Variants in CAPN5 observed in about 807,000 individuals in gnomAD.
CAPN5 encodes calpain 5.
Under a neutral mutation model 73.0 loss-of-function variants are expected in CAPN5, and 54 were observed. The ratio of observed to expected loss-of-function variants is 0.74; its 90% CI spans 0.59 to 0.93. CAPN5 has a LOEUF of 0.93. CAPN5 is among the 40% of genes least tolerant of loss of function. The pLI, the probability that CAPN5 is intolerant of heterozygous loss-of-function variation, is 0.00. For missense variants in CAPN5, 785 were observed against 882.9 expected (o/e 0.89, Z 1.41); for synonymous variants, 335 against 356.9 (o/e 0.94, Z 0.69).
chr11:77,122,539 C>CCCCACCCTCACCCCATCTCCCACT (rs1555043030), intron 11 of CAPN5, 37 bp from the exon 12 acceptor site: 1 of 1,141,992 alleles, frequency 8.8e-7, no homozygotes, highest in Non-Finnish European at 1.3e-6. Context: ...CAGCCCCCAC[C>CCCCACCCTCACCCCATCTCCCACT]CCCACCCTCA....
In CAPN5 at chr11:77,120,849, A is replaced by T. The variant is rs1271325240; in HGVS notation, c.1427A>T (p.Glu476Val). ...GRYVIIPTTF[E>V]PGHTGEFLLR... is the part of the protein sequence containing the mutation. ...TATGTCATCATCCCCACAACCTTCG[A>T]GCCAGGCCACACTGGCGAGTTCCTG... The change falls in exon 10 of 13, where the codon GAG (glutamate) becomes GTG (valine). Residue 476 changes from glutamate to valine, a missense_variant. By Grantham distance (121) the Glu-to-Val change is moderately radical. Transcript: ENST00000648180. The T allele has an allele frequency of 6.2e-7, 1 of 1,613,994 alleles. No individual in the cohort carries two copies. The highest frequency in any genetic ancestry group is 8.5e-7 in the Non-Finnish European group (1 of 1,180,002).
chr11:77,071,103 C>T (rs1281274051), intron 1 of CAPN5, among the ~76,000 whole-genome samples: 1 of 152,200 alleles, frequency 6.6e-6, no homozygotes, highest in African/African-American at 2.4e-5. Context: ...CTGACAGCAG[C>T]GTCACTGCAG....
chr11:77,088,106 C>G, intron 2 of CAPN5: 1 of 1,500,582 alleles, frequency 6.7e-7, no homozygotes, highest in Non-Finnish European at 8.9e-7. Flanking sequence ...TCCCCTCATC[C>G]AGCATGCTGT....
chr11:77,114,275 C>T lies in CAPN5; in HGVS notation c.540C>T (p.Gly180=). ...LAGCYQALDG[G]NTADALVDFT... ...GCTGTTACCAGGCCCTGGATGGAGG[C>T]AACACAGCAGACGCACTGGTGGACT... Residue 180 remains glycine (G), a synonymous_variant, in exon 5 of 13, where the codon GGC becomes GGT. Coordinates refer to ENST00000648180, the MANE Select transcript of CAPN5 (RefSeq NM_004055.5). 3 of 1,614,162 alleles carry T rather than the reference C, an allele frequency of 1.9e-6. No individual in the cohort carries two copies. The highest frequency in any genetic ancestry group is 2.5e-6 in the Non-Finnish European group (3 of 1,180,032).
chr11:77,121,796 G>A (rs1043439741), intron 10 of CAPN5, 138 bp from the exon 11 acceptor site: 2 of 554,764 alleles, frequency 3.6e-6, no homozygotes, highest in African/African-American at 1.9e-5. Flanking sequence ...TGCCCATGGG[G>A]ATTTGCTCAG....
chr11:77,085,186 C>T lies in CAPN5; in HGVS notation c.165+135C>T, dbSNP rs139849807. 3.6e-4 allele frequency: 264 copies of T among 742,866 alleles called. 1 individual carries two copies. The African/African-American group carries it at 3.6e-3, about 10-fold the overall frequency. 46.0% of individuals were successfully genotyped at this position (742,866 alleles called of 1,614,324 possible). A position where few individuals can be genotyped will look rare whatever the true frequency, so the allele number is the denominator to read the frequency against. On this transcript the variant is annotated intron_variant, in intron 2 of 12. Transcript: ENST00000648180. ...TGCTGAGAAAGTGAGGGTGCTGAAA[C>T]GGTGGGATTTGATCCGGATGGGGAG...
intron 5 of CAPN5, among the ~76,000 whole-genome samples, chr11:77,115,081 A>G (rs1374845865): frequency 1.3e-5 from 2 of 152,110 alleles, no homozygotes; most frequent in Non-Finnish European, 2.9e-5. Context: ...AACAAAAAAC[A>G]AAACAATGTT....
At chr11:77,077,072 T>A (rs1287137044) in intron 1 of CAPN5, among the ~76,000 whole-genome samples, 1 of 152,228 alleles carries the variant, frequency 6.6e-6, no homozygotes, top group Non-Finnish European at 1.5e-5. Context: ...GTAAAAAGAT[T>A]TAAGTCAGGC....
intron 1 of CAPN5, among the ~76,000 whole-genome samples, chr11:77,074,900 G>A (rs189829717): frequency 1.4e-4 from 21 of 152,330 alleles, no homozygotes; most frequent in African/African-American, 5.1e-4. Context: ...ACCAGGAAGA[G>A]CTGAGGCTCT....
At position 77,122,681 on chromosome 11, in the gene CAPN5, G is replaced by A. The variant is rs141138795; in HGVS notation, c.1709G>A (p.Arg570His). ...PEYNVKGIFY[R>H]KKLSQPITVQ... Reference sequence around the variant, plus strand: ...TACAATGTGAAAGGCATCTTCTACCGCAAGAAGCTGAGCCAGCCCATCACT... The same window carrying A: ...TACAATGTGAAAGGCATCTTCTACCACAAGAAGCTGAGCCAGCCCATCACT... The change falls in exon 12 of 13, where the codon CGC becomes CAC. Residue 570 changes from arginine to histidine, a missense_variant. Arg to His is a conservative substitution (Grantham distance 29). Transcript: ENST00000648180. 1.8e-5 allele frequency: 29 copies of A among 1,613,770 alleles called. No homozygotes were observed. Among genetic ancestry groups the A allele is most frequent in the African/African-American group, 2.7e-5 (2 of 75,032 alleles).
At chr11:77,083,155 C>T (rs1249744550) in intron 1 of CAPN5, among the ~76,000 whole-genome samples, 1 of 152,208 alleles carries the variant, frequency 6.6e-6, no homozygotes, top group Non-Finnish European at 1.5e-5. Flanking sequence ...TGAGGTCACA[C>T]AGCAGCACTC....
intron 3 of CAPN5, among the ~76,000 whole-genome samples, chr11:77,100,638 A>G (rs1261715432): frequency 6.6e-6 from 1 of 151,950 alleles, no homozygotes; most frequent in Non-Finnish European, 1.5e-5. Context: ...GCGTCCCCAT[A>G]CAAGCACTTG....
In CAPN5 at chr11:77,122,779, A is replaced by C. The variant is rs1282872121; in HGVS notation, c.1740+67A>C. On this transcript the variant is annotated intron_variant, in intron 12 of 12. Transcript: ENST00000648180. Reference sequence around the variant, plus strand: ...CTGAGGCTTCCCCACTCAGGGGGACAAGCCCAGGTGGAAGACCCTCTGACG... The same window carrying C: ...CTGAGGCTTCCCCACTCAGGGGGACCAGCCCAGGTGGAAGACCCTCTGACG... 14 of 1,598,092 alleles carry C rather than the reference A, an allele frequency of 8.8e-6. No homozygotes were observed. The African/African-American group carries it at 1.6e-4, about 18-fold the overall frequency.
chr11:77,108,755 T>C (rs1950379449), intron 3 of CAPN5, among the ~76,000 whole-genome samples: 1 of 151,848 alleles, frequency 6.6e-6, no homozygotes. Flanking sequence ...AAAACCATAA[T>C]ACCAACTTAT....
chr11:77,071,843 C>T (rs1555033138), intron 1 of CAPN5, among the ~76,000 whole-genome samples: 1 of 152,200 alleles, frequency 6.6e-6, no homozygotes, highest in Non-Finnish European at 1.5e-5. Flanking sequence ...TGCCCAGAGA[C>T]ATGGTCTGCC....
At chr11:77,103,593 A>G (rs1950312801) in intron 3 of CAPN5, among the ~76,000 whole-genome samples, 1 of 152,190 alleles carries the variant, frequency 6.6e-6, no homozygotes, top group South Asian at 2.1e-4. Flanking sequence ...GAGGCCTACT[A>G]GGGGCCAGTG....
At chr11:77,097,464 G>GTTTTTTTTTTTTTTT (rs58077755) in intron 3 of CAPN5, among the ~76,000 whole-genome samples, 2 of 79,736 alleles carry the variant, frequency 2.5e-5, no homozygotes, top group Non-Finnish European at 4.7e-5. Context: ...TTTCCTTCTA[G>GTTTTTTTTTTTTTTT]TTTTTTTTTT....
chr11:77,092,552 T>A (rs1950158553), intron 2 of CAPN5, among the ~76,000 whole-genome samples: 1 of 152,192 alleles, frequency 6.6e-6, no homozygotes. Flanking sequence ...TTCCAGAAAT[T>A]AGGAAGGGCT....
chr11:77,080,322 C>T (rs1555034445), intron 1 of CAPN5, among the ~76,000 whole-genome samples: 1 of 152,130 alleles, frequency 6.6e-6, no homozygotes, highest in African/African-American at 2.4e-5. Context: ...GGCTTTGAGG[C>T]CCGTGGTGGC....
Sources: gnomAD v4.1 joint callset for allele counts (sites outside exome capture counted in the v4.1 genomes callset) on GRCh38, gnomAD v4.1.1 for gene constraint, MANE v1.5 for transcripts, NCBI Gene and HGNC (gene_info 2026-07-23, HGNC 2026-07-21) for gene names.